Variants in VPS11 observed in about 807,000 individuals in gnomAD.
VPS11 encodes the protein vacuolar protein sorting-associated protein 11 homolog.
A neutral mutation model predicts 106.8 loss-of-function variants in VPS11; 51 were observed. The ratio of observed to expected loss-of-function variants is 0.48; its 90% CI spans 0.38 to 0.60. The LOEUF (loss-of-function observed/expected upper bound fraction) is 0.60, where lower values mean the gene tolerates loss of function less well. VPS11 is among the 20% of genes least tolerant of loss of function. The pLI, the probability that VPS11 is intolerant of heterozygous loss-of-function variation, is 0.00. For missense variants in VPS11, 950 were observed against 1,190.0 expected (o/e 0.80, Z 2.97); for synonymous variants, 453 against 458.7 (o/e 0.99, Z 0.16).
At chr11:119,077,832 G>T (rs1429154157) in intron 9 of VPS11, 46 bp from the exon 10 acceptor site, 1 of 1,598,774 alleles carries the variant, frequency 6.3e-7, no homozygotes, top group Non-Finnish European at 8.5e-7. Flanking sequence ...GCTTCCTGGT[G>T]GCTGAGGCAG....
chr11:119,070,159 C>T, intron 3 of VPS11, 75 bp from the exon 4 acceptor site: 1 of 1,463,886 alleles, frequency 6.8e-7, no homozygotes. Context: ...CTGAGTGCCT[C>T]AAGTGGTCTT....
In VPS11 at chr11:119,071,761, G is replaced by A. The variant is rs782289074; in HGVS notation, c.802G>A (p.Ala268Thr). The A allele has an allele frequency of 2.5e-6, 4 of 1,613,846 alleles. No homozygotes were observed. Among genetic ancestry groups the A allele is most frequent in the Admixed American group, 1.7e-5 (1 of 59,986 alleles). The change falls in exon 5 of 16, where the codon GCC (alanine) becomes ACC (threonine). Residue 268 changes from alanine to threonine, a missense_variant. Physicochemically the swap from Ala to Thr is moderately conservative, Grantham distance 58. Transcript: ENST00000621676. Reference protein sequence around the residue: ...YQPDERGPCFAFEGHKLIAHW... With the variant: ...YQPDERGPCFTFEGHKLIAHW... The stretch of plus-strand genomic sequence containing the variant: ...GCCTGATGAACGTGGGCCCTGCTTC[G>A]CCTTTGAGGGCCATAAGCTCATTGC...
At chr11:119,074,625 G>A (rs190752206) in intron 7 of VPS11, among the ~76,000 whole-genome samples, 126 of 152,200 alleles carry the variant, frequency 8.3e-4, no homozygotes, top group Non-Finnish European at 3.1e-4. Flanking sequence ...GGCTGGTCTC[G>A]AACTCCTGAG....
chr11:119,070,855 C>G (rs546443972), intron 4 of VPS11: 3 of 152,726 alleles, frequency 2.0e-5, no homozygotes, highest in African/African-American at 7.2e-5. Flanking sequence ...ATCCACCCAC[C>G]TTGGCCTTCC....
In VPS11 at chr11:119,071,675, G is replaced by C. The variant is rs1206518392; in HGVS notation, c.716G>C (p.Ser239Thr). 1.2e-6 allele frequency: 2 copies of C among 1,613,940 alleles called. No homozygotes were observed. The highest frequency in any genetic ancestry group is 1.7e-6 in the Non-Finnish European group (2 of 1,179,908). ...TGTGGCCTGCGCTGCTCAGCCCTAA[G>C]TGACCCTTCTCAGGACCTGCAGTTC... ...HGCGLRCSAL[S>T]DPSQDLQFIV... Residue 239 changes from serine to threonine, a missense_variant, in exon 5 of 16, where the codon AGT becomes ACT. Ser to Thr is a moderately conservative substitution (Grantham distance 58). This residue lies in a region of VPS11 where 435 missense variants were observed against 630.2 expected (regional missense o/e 0.69). Coordinates refer to ENST00000621676, the MANE Select transcript of VPS11 (RefSeq NM_021729.6).
chr11:119,073,928 T>C lies in VPS11; in HGVS notation c.1215T>C (p.Asp405=). The C allele has an allele frequency of 6.2e-7, 1 of 1,613,196 alleles. No individual in the cohort carries two copies. ...GDHLYSKGNH[D]GAVQQYIRTI... is the part of the protein sequence containing the mutation. Reference sequence around the variant, plus strand: ...ATCTCTACAGCAAGGGCAACCACGATGGGGCTGTCCAGCAATATATCCGGT... The same window carrying C: ...ATCTCTACAGCAAGGGCAACCACGACGGGGCTGTCCAGCAATATATCCGGT... The change falls in exon 7 of 16, where the codon GAT becomes GAC. Residue 405 remains aspartate, a synonymous_variant. Coordinates refer to ENST00000621676, the MANE Select transcript of VPS11 (RefSeq NM_021729.6).
chr11:119,070,455 G>A lies in VPS11; in HGVS notation c.636+58G>A, dbSNP rs1945334940. On this transcript the variant is annotated intron_variant, in intron 4 of 15. Coordinates refer to ENST00000621676, the MANE Select transcript of VPS11 (RefSeq NM_021729.6). ...CAGGGAGGGCTTCTCCATTGTTCAG[G>A]GGGATAGGGTAATGAAGTGACAGGA... 3.3e-6 allele frequency: 5 copies of A among 1,526,886 alleles called. No homozygotes were observed. In the South Asian group the frequency reaches 4.9e-5, roughly 15 times the overall value. 94.6% of individuals were successfully genotyped at this position (1,526,886 alleles called of 1,614,324 possible). A position where few individuals can be genotyped will look rare whatever the true frequency, so the allele number is the denominator to read the frequency against.
chr11:119,073,772 C>G (rs782099253), intron 6 of VPS11, 28 bp from the exon 7 acceptor site: 2 of 1,594,128 alleles, frequency 1.3e-6, no homozygotes, highest in Non-Finnish European at 1.7e-6. Flanking sequence ...CCACTTCTAC[C>G]AATTTTCTAA....
rs1200917755 is a variant in VPS11, at chr11:119,067,874, G to A, written c.51G>A (p.Leu17=). 3 of 1,576,550 alleles carry A rather than the reference G, an allele frequency of 1.9e-6. No homozygotes were observed. In the South Asian group the frequency reaches 3.5e-5, roughly 18 times the overall value. ...WRRFVFFDKE[L]VKEPLSNDGA... The stretch of plus-strand genomic sequence containing the variant: ...GCTTCGTTTTCTTCGACAAGGAGCT[G>A]GTGAAGGAGCCGCTGAGCAATGATG... The change falls in exon 1 of 16, where the codon CTG becomes CTA. Residue 17 remains leucine (L), a synonymous_variant. Transcript: ENST00000621676.
At chr11:119,071,565 A>C in intron 4 of VPS11, 31 bp from the exon 5 acceptor site, 1 of 1,609,790 alleles carries the variant, frequency 6.2e-7, no homozygotes, top group Non-Finnish European at 8.5e-7. Context: ...TCCTCAAAGG[A>C]GCCTGTTAAC....
chr11:119,078,461 T>C (rs566370162), intron 11 of VPS11, 104 bp from the exon 12 acceptor site: 36 of 1,572,672 alleles, frequency 2.3e-5, no homozygotes, highest in Non-Finnish European at 3.0e-5. Context: ...AATGGTCCTC[T>C]GTGAAGAGGG....
chr11:119,076,874 A>C, intron 7 of VPS11, 23 bp from the exon 8 acceptor site: 1 of 1,613,008 alleles, frequency 6.2e-7, no homozygotes, highest in Non-Finnish European at 8.5e-7. Flanking sequence ...TTCAGATGCT[A>C]TCGGGTGCAC....
chr11:119,081,948 A>T lies in VPS11; in HGVS notation c.*325A>T, dbSNP rs1592204425. The T allele has an allele frequency of 3.9e-6, 1 of 254,844 alleles. No individual in the cohort carries two copies. Among genetic ancestry groups the T allele is most frequent in the Middle Eastern group, 1.3e-3 (1 of 788 alleles). 15.8% of individuals were successfully genotyped at this position (254,844 alleles called of 1,614,324 possible). A position where few individuals can be genotyped will look rare whatever the true frequency, so the allele number is the denominator to read the frequency against. ...TGGGTCCTTGCTCTCAGAGTCTATA[A>T]ATAAAAGAATATAATGATTTGGGAG... On this transcript the variant is annotated 3_prime_UTR_variant, in exon 16 of 16. Coordinates refer to ENST00000621676, the MANE Select transcript of VPS11 (RefSeq NM_021729.6).
intron 5 of VPS11, 154 bp from the exon 6 acceptor site, chr11:119,073,044 A>G (rs1945458547): frequency 2.5e-6 from 2 of 792,054 alleles, no homozygotes; most frequent in Non-Finnish European, 4.0e-6. Context: ...CTCTATGTAC[A>G]ACTACCGGCA....
chr11:119,071,771 G>A lies in VPS11; in HGVS notation c.812G>A (p.Gly271Asp). Residue 271 changes from glycine (G) to aspartate (D), a missense_variant, in exon 5 of 16, where the codon GGC (glycine) becomes GAC (aspartate). Coordinates refer to ENST00000621676, the MANE Select transcript of VPS11 (RefSeq NM_021729.6). ...CGTGGGCCCTGCTTCGCCTTTGAGG[G>A]CCATAAGCTCATTGCCCACTGGTTT... ...DERGPCFAFE[G>D]HKLIAHWFRG... The A allele has an allele frequency of 6.2e-7, 1 of 1,613,970 alleles. No homozygotes were observed. The highest frequency in any genetic ancestry group is 8.5e-7 in the Non-Finnish European group (1 of 1,179,892).
At chr11:119,068,037 C>T (rs2133640470) in intron 1 of VPS11, 27 bp downstream of exon 1, 5 of 1,575,188 alleles carry the variant, frequency 3.2e-6, no homozygotes, top group Non-Finnish European at 4.3e-6. Context: ...GCTGTCTTTT[C>T]CCTCCCGGGA....
Position 119,079,286 on chromosome 11 carries a change from A to G in VPS11, c.2424A>G (p.Gln808=). ...CCACCCGTATCCGCCAGGAGATCCA[A>G]GAGCTCAAGGCCAGGTACCCGGGGC... ...EETTRIRQEI[Q]ELKASPKIFQ... The change falls in exon 14 of 16, where the codon CAA becomes CAG. Residue 808 remains glutamine (Q), a synonymous_variant. Coordinates refer to ENST00000621676, the MANE Select transcript of VPS11 (RefSeq NM_021729.6). 1 of 1,595,130 alleles carries G rather than the reference A, an allele frequency of 6.3e-7. No individual in the cohort carries two copies. The highest frequency in any genetic ancestry group is 8.5e-7 in the Non-Finnish European group (1 of 1,170,958).
At chr11:119,074,344 C>T (rs532111442) in intron 7 of VPS11, among the ~76,000 whole-genome samples, 2 of 152,228 alleles carry the variant, frequency 1.3e-5, no homozygotes, top group Non-Finnish European at 2.9e-5. Flanking sequence ...CTTCAGCCTC[C>T]CAAAGTGCTG....
chr11:119,071,398 T>C (rs146674160), intron 4 of VPS11, among the ~76,000 whole-genome samples, 198 bp from the exon 5 acceptor site: 1 of 152,258 alleles, frequency 6.6e-6, no homozygotes, highest in African/African-American at 2.4e-5. Context: ...TGATAATATA[T>C]ACAGAGAAAG....
Sources: gnomAD v4.1 joint callset for allele counts (sites outside exome capture counted in the v4.1 genomes callset) on GRCh38, gnomAD v4.1.1 for gene constraint, gnomAD v4.1.1 regional missense constraint, MANE v1.5 for transcripts, NCBI Gene and HGNC (gene_info 2026-07-23, HGNC 2026-07-21) for gene names.